CFAP46: variants seen among roughly 807,000 people sequenced by gnomAD.
CFAP46 encodes cilia- and flagella-associated protein 46.
CFAP46 carries 245 observed loss-of-function variants against 325.7 expected under a neutral mutation model. That is an observed-to-expected ratio of 0.75 (90% CI 0.68 to 0.84). The LOEUF is 0.84. CFAP46 is among the 40% of genes least tolerant of loss of function. CFAP46 has a pLI of 0.00. For missense variants in CFAP46, 3,346 were observed against 3,543.0 expected (o/e 0.94, Z 1.41); for synonymous variants, 1,523 against 1,495.9 (o/e 1.02, Z -0.42).
intron 6 of CFAP46, 169 bp from the exon 7 acceptor site, chr10:132,937,224 G>C (rs557202621): frequency 1.9e-6 from 1 of 520,822 alleles, no homozygotes; most frequent in East Asian, 3.1e-5. Flanking sequence ...GAATGCTTTT[G>C]GTACATATTC....
At chr10:132,934,961 T>A in intron 7 of CFAP46, 99 bp from the exon 8 acceptor site, 1 of 810,742 alleles carries the variant, frequency 1.2e-6, no homozygotes, top group Non-Finnish European at 2.1e-6. Context: ...TGTTTCTCAC[T>A]GAAGAGGAGA....
intron 13 of CFAP46, 143 bp from the exon 14 acceptor site, chr10:132,920,325 A>G (rs1051423923): frequency 1.8e-6 from 2 of 1,082,530 alleles, no homozygotes; most frequent in Non-Finnish European, 2.5e-6. Flanking sequence ...CCCGGCTCCC[A>G]GAAGCCGAGC....
chr10:132,808,641 A>G lies in CFAP46; in HGVS notation c.7928T>C (p.Leu2643Pro), dbSNP rs1847511822. 1.9e-6 allele frequency: 3 copies of G among 1,603,080 alleles called. No homozygotes were observed. The highest frequency in any genetic ancestry group is 2.6e-6 in the Non-Finnish European group (3 of 1,174,792). Residue 2643 changes from leucine to proline, a missense_variant, in exon 58 of 58, where the codon CTT (leucine) becomes CCT (proline). By Grantham distance (98) the Leu-to-Pro change is moderately conservative (BLOSUM62 -3). Coordinates refer to ENST00000368586, the MANE Select transcript of CFAP46 (RefSeq NM_001200049.3). The surrounding 1 kb of genome is among the most constrained non-coding windows in gnomAD (Gnocchi z 6.8). ...AGGGTCCCTGGCTGAGGCTGCACCAAGGGCTGGGGAGAGGCCCAGGAAGGG... is the reference window on the plus strand; with the variant it reads ...AGGGTCCCTGGCTGAGGCTGCACCAGGGGCTGGGGAGAGGCCCAGGAAGGG... ...ALPFLGLSPALGAASARDPPP... is the reference protein window; with the variant it reads ...ALPFLGLSPAPGAASARDPPP...
At chr10:132,842,874 T>C (rs1848367300) in intron 44 of CFAP46, among the ~76,000 whole-genome samples, 1 of 152,180 alleles carries the variant, frequency 6.6e-6, no homozygotes, top group Non-Finnish European at 1.5e-5. Flanking sequence ...CCCACTCCCA[T>C]GATAACCATA....
chr10:132,882,877 C>T (rs1341065905), intron 27 of CFAP46, among the ~76,000 whole-genome samples: 1 of 152,024 alleles, frequency 6.6e-6, no homozygotes, highest in South Asian at 2.1e-4. Context: ...AGGGCCTTGG[C>T]CCTGATGGGA....
intron 35 of CFAP46, among the ~76,000 whole-genome samples, chr10:132,865,308 G>A (rs1848797097): frequency 1.3e-5 from 2 of 152,236 alleles, no homozygotes; most frequent in Admixed American, 1.3e-4. Flanking sequence ...CCTGCTGGGG[G>A]AGTGCAGGCG....
intron 44 of CFAP46, among the ~76,000 whole-genome samples, chr10:132,841,460 T>C (rs747778163): frequency 1.3e-4 from 20 of 152,196 alleles, no homozygotes; most frequent in Non-Finnish European, 2.2e-4. Context: ...GCTGCTCTTA[T>C]GGGTGGGAGT....
intron 25 of CFAP46, 33 bp downstream of exon 25, chr10:132,892,300 G>A: frequency 6.5e-7 from 1 of 1,542,056 alleles, no homozygotes; most frequent in Admixed American, 2.0e-5. Context: ...CCTTGTACCT[G>A]GAGCCTGTGG....
chr10:132,846,075 C>G lies in CFAP46; in HGVS notation c.6420G>C (p.Arg2140Ser). ...CGCTTACCTTGGACACGGCGGCCAG[C>G]CTCTGCTCCACACGGGCGCCCAGGC... is the stretch of plus-strand genomic sequence containing the variant. ...TTSLGARVEQ[R>S]LAAVSKAWQN... Residue 2140 changes from arginine to serine, a missense_variant, in exon 44 of 58, where the codon AGG becomes AGC. Arg to Ser is a moderately radical substitution (Grantham distance 110). Transcript: ENST00000368586. 1 of 1,587,992 alleles carries G rather than the reference C, an allele frequency of 6.3e-7. No individual in the cohort carries two copies. Among genetic ancestry groups the G allele is most frequent in the Non-Finnish European group, 8.5e-7 (1 of 1,173,110 alleles).
chr10:132,898,261 G>A (rs1489222706), intron 24 of CFAP46, among the ~76,000 whole-genome samples: 2 of 152,196 alleles, frequency 1.3e-5, no homozygotes, highest in African/African-American at 2.4e-5. Context: ...CCAGGAGCAC[G>A]AAGCCTTCAC....
Position 132,919,414 on chromosome 10 carries a change from C to G in CFAP46, c.1759G>C (p.Val587Leu). Residue 587 changes from valine (V) to leucine (L), a missense_variant, in exon 15 of 58, where the codon GTG (valine) becomes CTG (leucine). Coordinates refer to ENST00000368586, the MANE Select transcript of CFAP46 (RefSeq NM_001200049.3). This position sits in a 1 kb window ranked among gnomAD's most constrained non-coding sequence, Gnocchi z 9.7. ...RIQIWAELAKVARKQGVWDVC... is the reference protein window; with the variant it reads ...RIQIWAELAKLARKQGVWDVC... Reference sequence around the variant, plus strand: ...TCCCACACGCCTTGTTTCCGGGCCACTTTGGCCAGCTCTGCCCAAATCTGT... The same window carrying G: ...TCCCACACGCCTTGTTTCCGGGCCAGTTTGGCCAGCTCTGCCCAAATCTGT... 6.5e-7 allele frequency: 1 copy of G among 1,550,156 alleles called. No homozygotes were observed.
At chr10:132,908,768 A>C in intron 21 of CFAP46, 134 bp from the exon 22 acceptor site, 1 of 1,159,042 alleles carries the variant, frequency 8.6e-7, no homozygotes, top group Non-Finnish European at 1.2e-6. Flanking sequence ...CCGTGCCACA[A>C]AAGCTGAGCT....
chr10:132,900,843 C>T (rs965111755), intron 22 of CFAP46, among the ~76,000 whole-genome samples: 3 of 152,242 alleles, frequency 2.0e-5, no homozygotes, highest in African/African-American at 7.2e-5. Flanking sequence ...TTTGTTCTGT[C>T]AGCTGCTGAG....
intron 32 of CFAP46, among the ~76,000 whole-genome samples, chr10:132,870,524 G>A (rs1824957270): frequency 6.6e-6 from 1 of 152,048 alleles, no homozygotes. Context: ...GGGAACATAT[G>A]AATACAAATG....
chr10:132,899,200 C>T (rs762001414), intron 23 of CFAP46, 79 bp from the exon 24 acceptor site: 51 of 1,465,244 alleles, frequency 3.5e-5, no homozygotes, highest in Non-Finnish European at 4.4e-5. Context: ...ACAGGAAGGT[C>T]GGGCGCCCAG....
At chr10:132,810,732 C>A (rs1375610866) in intron 56 of CFAP46, 2 of 724,446 alleles carry the variant, frequency 2.8e-6, no homozygotes, top group East Asian at 5.4e-5. Context: ...CTGTGGGGAC[C>A]CGGCTCCCGT....
chr10:132,919,236 T>C lies in CFAP46; in HGVS notation c.1858+79A>G. On this transcript the variant is annotated intron_variant, in intron 15 of 57. Transcript: ENST00000368586. This position sits in a 1 kb window ranked among gnomAD's most constrained non-coding sequence, Gnocchi z 9.7. ...ATGCGAAGGCCCCATGGGTTGTCAT[T>C]GCACGAACCACAACCCTTCCCACAC... The C allele has an allele frequency of 6.9e-7, 1 of 1,446,354 alleles. No homozygotes were observed. Among genetic ancestry groups the C allele is most frequent in the South Asian group, 1.4e-5 (1 of 72,776 alleles). 89.6% of individuals were successfully genotyped at this position (1,446,354 alleles called of 1,614,324 possible). A position where few individuals can be genotyped will look rare whatever the true frequency, so the allele number is the denominator to read the frequency against.
rs554832399 is a variant in CFAP46 at position 132,834,022 on chromosome 10, C to G, written c.6949+19G>C. ...GGGATGAGCTCCCCAGGCTGAGTGG[C>G]CACGCCCGCCCCACTCACTGTGTTG... On this transcript the variant is annotated intron_variant, in intron 49 of 57. Coordinates refer to ENST00000368586, the MANE Select transcript of CFAP46 (RefSeq NM_001200049.3). 1 of 1,610,250 alleles carries G rather than the reference C, an allele frequency of 6.2e-7. No homozygotes were observed. Among genetic ancestry groups the G allele is most frequent in the South Asian group, 1.1e-5 (1 of 90,920 alleles).
chr10:132,851,083 C>T, intron 40 of CFAP46, 34 bp downstream of exon 40: 2 of 1,611,618 alleles, frequency 1.2e-6, no homozygotes, highest in Non-Finnish European at 8.5e-7. Context: ...GCCTGGCGCT[C>T]CCTCCACCGG....
Sources: allele counts gnomAD v4.1 joint callset (sites outside exome capture counted in the v4.1 genomes callset), GRCh38; gene constraint gnomAD v4.1.1; non-coding constraint Gnocchi (gnomAD v3.1); transcripts MANE v1.5; gene names NCBI Gene and HGNC (gene_info 2026-07-23, HGNC 2026-07-21).